The following ETV6 variants were observed in gnomAD, a reference collection of about 807,000 sequenced individuals.
The protein encoded by ETV6 is ETS variant transcription factor 6.
Under a neutral mutation model 51.1 loss-of-function variants are expected in ETV6, and 16 were observed. The ratio of observed to expected loss-of-function variants is 0.31; its 90% CI spans 0.21 to 0.48. ETV6 has a LOEUF of 0.48. Among genes scored for constraint, ETV6 ranks in the 20% least tolerant of loss-of-function variants. The pLI is 0.99. For synonymous variants in ETV6, 240 were observed against 224.1 expected (o/e 1.07, Z -0.64); for missense variants, 458 against 594.8 (o/e 0.77, Z 2.39).
intron 1 of ETV6, among the ~76,000 whole-genome samples, chr12:11,718,480 G>A (rs1865321096): frequency 1.3e-5 from 2 of 151,944 alleles, no homozygotes; most frequent in African/African-American, 4.8e-5. Context: ...AACAAACCCA[G>A]GTTGGCTAGG....
At chr12:11,666,335 G>A (rs185797305) in intron 1 of ETV6, among the ~76,000 whole-genome samples, 1 of 152,288 alleles carries the variant, frequency 6.6e-6, no homozygotes, top group African/African-American at 2.4e-5. Flanking sequence ...AGATCTCTCT[G>A]GAGCTCTCAT....
chr12:11,830,837 G>C (rs1283071194), intron 2 of ETV6, among the ~76,000 whole-genome samples: 1 of 152,156 alleles, frequency 6.6e-6, no homozygotes, highest in African/African-American at 2.4e-5. Flanking sequence ...GAGGAGCATT[G>C]CTAATTTGCA....
intron 2 of ETV6, among the ~76,000 whole-genome samples, chr12:11,803,440 G>A (rs1945781387): frequency 6.6e-6 from 1 of 152,110 alleles, no homozygotes; most frequent in Non-Finnish European, 1.5e-5. Context: ...GCTGCTTATT[G>A]GATTTGAGTT....
At chr12:11,728,326 A>G (rs1328834868) in intron 1 of ETV6, among the ~76,000 whole-genome samples, 1 of 152,242 alleles carries the variant, frequency 6.6e-6, no homozygotes, top group East Asian at 1.9e-4. Context: ...ACCGCAGACT[A>G]GTACTGTCCG....
chr12:11,692,343 C>T (rs1864783362), intron 1 of ETV6, among the ~76,000 whole-genome samples: 1 of 152,124 alleles, frequency 6.6e-6, no homozygotes, highest in Admixed American at 6.5e-5. Flanking sequence ...ACCTTGGACT[C>T]CCTAGCCTCC....
chr12:11,833,767 A>C (rs1946276715), intron 2 of ETV6, among the ~76,000 whole-genome samples: 1 of 152,182 alleles, frequency 6.6e-6, no homozygotes, highest in Non-Finnish European at 1.5e-5. Flanking sequence ...ACTTGCTTAC[A>C]AGTAAGTGCA....
chr12:11,744,368 CTGT>C (rs760688988), intron 1 of ETV6, among the ~76,000 whole-genome samples: 29 of 152,306 alleles, frequency 1.9e-4, no homozygotes, highest in Non-Finnish European at 3.5e-4. Flanking sequence ...ATACAAGCTG[CTGT>C]TAATTTCAGT....
rs1399343114 is a variant in ETV6, at chr12:11,733,421, A to AT, written c.34-19029_34-19028insT. 2.6e-5 allele frequency among the ~76,000 whole-genome samples: 4 copies of AT among 151,234 alleles called. No individual in the cohort carries two copies. The East Asian group carries it at 5.8e-4, about 22-fold the overall frequency. On this transcript the variant is annotated intron_variant, in intron 1 of 7. Transcript: ENST00000396373. ...AGACTCCATCTCAAAAAAAAAAAAA[A>AT]AAAAAAAAAAATTAACCACTTCATT...
chr12:11,688,800 G>A (rs1864688042), intron 1 of ETV6, among the ~76,000 whole-genome samples: 1 of 152,202 alleles, frequency 6.6e-6, no homozygotes, highest in African/African-American at 2.4e-5. Flanking sequence ...CTGCTTAGAA[G>A]GATCCTTAGT....
chr12:11,872,794 CCTATACTA>C (rs1946902813), intron 5 of ETV6, among the ~76,000 whole-genome samples: 2 of 152,100 alleles, frequency 1.3e-5, no homozygotes, highest in African/African-American at 4.8e-5. Flanking sequence ...CTGCACCCAG[CCTATACTA>C]CTATTTTTTT....
chr12:11,891,258 G>T lies in ETV6; in HGVS notation c.*212G>T. 1.9e-6 allele frequency: 1 copy of T among 515,230 alleles called. No homozygotes were observed. 31.9% of individuals were successfully genotyped at this position (515,230 alleles called of 1,614,324 possible). On this transcript the variant is annotated 3_prime_UTR_variant, in exon 8 of 8. Transcript: ENST00000396373. ...GGCGGGGCTGGAATTCTGGCGGAGG[G>T]CATGAGCCTGGGACTCCATGTCACG...
intron 2 of ETV6, among the ~76,000 whole-genome samples, chr12:11,798,644 C>G (rs1022155984): frequency 6.6e-6 from 1 of 152,148 alleles, no homozygotes; most frequent in Non-Finnish European, 1.5e-5. Context: ...TGTAAAATCT[C>G]AATCACTCTG....
chr12:11,670,909 G>T (rs1864300916), intron 1 of ETV6, among the ~76,000 whole-genome samples: 1 of 152,194 alleles, frequency 6.6e-6, no homozygotes, highest in East Asian at 1.9e-4. Flanking sequence ...ATAACGAAGA[G>T]TCACTAGCAT....
rs867726140 is a variant in ETV6, at chr12:11,853,369, A to G, written c.329-58A>G. ...CAGGCACTTAGCTGCTGCTCCGTAG[A>G]TCGTTGTTGGAAAAACATCTTTCCA... On this transcript the variant is annotated intron_variant, in intron 3 of 7. Transcript: ENST00000396373. 12 of 1,607,984 alleles carry G rather than the reference A, an allele frequency of 7.5e-6. No individual in the cohort carries two copies. In the Middle Eastern group the frequency reaches 2.1e-3, roughly 282 times the overall value.
At chr12:11,700,995 T>C (rs865878965) in intron 1 of ETV6, among the ~76,000 whole-genome samples, 121 of 152,070 alleles carry the variant, frequency 8.0e-4, no homozygotes, top group African/African-American at 2.7e-3. Flanking sequence ...TTGAGGAGGA[T>C]CCTCTCATTC....
chr12:11,800,328 A>G (rs578090738), intron 2 of ETV6, among the ~76,000 whole-genome samples: 5 of 151,788 alleles, frequency 3.3e-5, no homozygotes, highest in Non-Finnish European at 7.4e-5. Flanking sequence ...TACATAAAAC[A>G]TGATATTTTA....
intron 1 of ETV6, among the ~76,000 whole-genome samples, chr12:11,731,331 C>G (rs895620261): frequency 2.1e-4 from 32 of 152,184 alleles, no homozygotes; most frequent in African/African-American, 7.7e-4. Flanking sequence ...GTCAGTGCTA[C>G]TTAAGTGTGA....
chr12:11,776,810 C>T (rs1349824930), intron 2 of ETV6, among the ~76,000 whole-genome samples: 1 of 152,212 alleles, frequency 6.6e-6, no homozygotes, highest in Non-Finnish European at 1.5e-5. Flanking sequence ...TCTAATAACC[C>T]ATCCCTAGGG....
intron 2 of ETV6, among the ~76,000 whole-genome samples, chr12:11,820,637 C>CAG (rs968123084): frequency 2.0e-4 from 31 of 152,050 alleles, no homozygotes; most frequent in African/African-American, 7.5e-4. Context: ...TGAGGAACAG[C>CAG]AGAGAGGTCA....
Sources: allele counts gnomAD v4.1 joint callset (sites outside exome capture counted in the v4.1 genomes callset), GRCh38; gene constraint gnomAD v4.1.1; transcripts MANE v1.5; gene names NCBI Gene and HGNC (gene_info 2026-07-23, HGNC 2026-07-21).